The following PBX3 variants were observed in gnomAD, a reference collection of about 807,000 sequenced individuals.
PBX3 encodes pre-B-cell leukemia transcription factor 3.
Under a neutral mutation model 48.5 loss-of-function variants are expected in PBX3, and 14 were observed. The observed-to-expected ratio is 0.29, with a 90% CI of 0.19 to 0.45. PBX3 has a LOEUF of 0.45. Ranked by LOEUF, PBX3 falls within the 20% of genes least tolerant of loss-of-function variation. The pLI is 1.00. For missense variants in PBX3, 386 were observed against 546.7 expected, an observed-to-expected ratio of 0.71 and a Z score of 2.93; for synonymous variants, 210 against 200.3, an observed-to-expected ratio of 1.05 and a Z score of -0.41.
intron 2 of PBX3, among the ~76,000 whole-genome samples, chr9:125,814,391 G>C (rs927100667): frequency 7.2e-5 from 11 of 151,920 alleles, no homozygotes; most frequent in African/African-American, 2.7e-4. Context: ...GAATGAGACA[G>C]AATGGATCCA....
intron 2 of PBX3, among the ~76,000 whole-genome samples, chr9:125,895,378 T>C (rs1033515626): frequency 6.6e-6 from 1 of 152,110 alleles, no homozygotes; most frequent in African/African-American, 2.4e-5. Context: ...AGCACACAAT[T>C]GATATACAAA....
chr9:125,952,282 C>G (rs988111735), intron 5 of PBX3, among the ~76,000 whole-genome samples: 4 of 152,162 alleles, frequency 2.6e-5, no homozygotes, highest in African/African-American at 9.7e-5. Flanking sequence ...CTGCTTCTTT[C>G]CAAACAAGTG....
intron 2 of PBX3, among the ~76,000 whole-genome samples, chr9:125,776,862 C>T (rs533355389): frequency 9.9e-5 from 15 of 152,192 alleles, no homozygotes; most frequent in Admixed American, 4.6e-4. Context: ...ATTAATATTA[C>T]TTTCATCATG....
intron 2 of PBX3, among the ~76,000 whole-genome samples, chr9:125,841,281 T>C (rs1839283870): frequency 6.6e-6 from 1 of 152,208 alleles, no homozygotes; most frequent in Admixed American, 6.5e-5. Context: ...TACAGATAAT[T>C]AAATTTATTC....
chr9:125,925,212 T>C (rs777855980), intron 3 of PBX3, among the ~76,000 whole-genome samples: 2 of 152,190 alleles, frequency 1.3e-5, no homozygotes, highest in South Asian at 2.1e-4. Context: ...TTAAAATATA[T>C]CAAAGATTAC....
At chr9:125,814,914 A>C (rs1164795419) in intron 2 of PBX3, among the ~76,000 whole-genome samples, 1 of 152,208 alleles carries the variant, frequency 6.6e-6, no homozygotes, top group Admixed American at 6.5e-5. Flanking sequence ...GGTTGAAAAC[A>C]CTATTCCCAA....
At position 125,835,051 on chromosome 9, in the gene PBX3, A is replaced by AAAAAAAT. The variant is rs1564681272; in HGVS notation, c.275-80635_275-80634insAAAAAAT. Reference sequence around the variant, plus strand: ...AAAAAAAAAAAAAAAAAAAAAAAAAAGGGCAAAAGATATGAAAAGACAAGT... The same window carrying AAAAAAAT: ...AAAAAAAAAAAAAAAAAAAAAAAAAAAAAAAATGGGCAAAAGATATGAAAAGACAAGT... On this transcript the variant is annotated intron_variant, in intron 2 of 8. Coordinates refer to ENST00000373489, the MANE Select transcript of PBX3 (RefSeq NM_006195.6). Among the ~76,000 whole-genome samples the AAAAAAAT allele has an allele frequency of 1.9e-5, 2 of 108,060 alleles. 1 individual carries two copies. Among genetic ancestry groups the AAAAAAAT allele is most frequent in the African/African-American group, 7.6e-5 (2 of 26,366 alleles). 70.9% of individuals were successfully genotyped at this position (108,060 alleles called of 152,430 possible).
At chr9:125,932,438 C>T (rs1440544454) in intron 4 of PBX3, among the ~76,000 whole-genome samples, 3 of 152,150 alleles carry the variant, frequency 2.0e-5, no homozygotes, top group African/African-American at 2.4e-5. Flanking sequence ...TCATTGAAAG[C>T]AACAGCCAAG....
intron 2 of PBX3, among the ~76,000 whole-genome samples, chr9:125,764,975 C>CT (rs146761829): frequency 0.02 from 3,056 of 152,058 alleles, 170 homozygotes; most frequent in East Asian, 0.17. Flanking sequence ...GTCTAGCCAT[C>CT]TAAGAAATCC....
chr9:125,965,057 C>T (rs993461419), intron 8 of PBX3, among the ~76,000 whole-genome samples: 5 of 152,244 alleles, frequency 3.3e-5, no homozygotes, highest in African/African-American at 7.2e-5. Context: ...CTCCCTCTTC[C>T]TGACTGACAT....
chr9:125,881,454 C>A (rs871602), intron 2 of PBX3, among the ~76,000 whole-genome samples: 1 of 152,120 alleles, frequency 6.6e-6, no homozygotes, highest in East Asian at 1.9e-4. Context: ...TACTGAACTT[C>A]TGGCAGAATT....
chr9:125,917,375 C>T (rs1302563821), intron 3 of PBX3, among the ~76,000 whole-genome samples: 1 of 152,194 alleles, frequency 6.6e-6, no homozygotes, highest in African/African-American at 2.4e-5. Flanking sequence ...CCTACATTGA[C>T]ACATCATTAT....
At chr9:125,888,989 T>G (rs1840569408) in intron 2 of PBX3, among the ~76,000 whole-genome samples, 1 of 152,178 alleles carries the variant, frequency 6.6e-6, no homozygotes, top group Non-Finnish European at 1.5e-5. Flanking sequence ...AAATATGCTT[T>G]GGGAATTTAC....
Position 125,793,366 on chromosome 9 carries a change from A to AAAAATATAT in PBX3, c.274+44744_274+44745insAAATATATA, listed in dbSNP as rs59271982. On this transcript the variant is annotated intron_variant, in intron 2 of 8. Coordinates refer to ENST00000373489, the MANE Select transcript of PBX3 (RefSeq NM_006195.6). ...GACTCCATTTGGGGGGGAAAAAAAA[A>AAAAATATAT]ATATATATATATATATATATATATA... is the stretch of plus-strand genomic sequence containing the variant. Among the ~76,000 whole-genome samples, 156 of 101,936 alleles carry AAAAATATAT rather than the reference A, an allele frequency of 1.5e-3. 1 individual carries two copies. The highest frequency in any genetic ancestry group is 1.8e-3 in the Non-Finnish European group (100 of 54,678). 66.9% of individuals were successfully genotyped at this position (101,936 alleles called of 152,430 possible).
chr9:125,942,297 G>A (rs891995637), intron 5 of PBX3, among the ~76,000 whole-genome samples: 1 of 152,264 alleles, frequency 6.6e-6, no homozygotes, highest in East Asian at 1.9e-4. Context: ...CAGGGCCCAG[G>A]CTGCAGAGTG....
At chr9:125,818,758 G>C (rs1274036022) in intron 2 of PBX3, among the ~76,000 whole-genome samples, 1 of 152,104 alleles carries the variant, frequency 6.6e-6, no homozygotes, top group African/African-American at 2.4e-5. Flanking sequence ...TTCCCAAAGT[G>C]TTAGGATTAC....
At chr9:125,902,225 A>G (rs1840962869) in intron 2 of PBX3, among the ~76,000 whole-genome samples, 1 of 151,690 alleles carries the variant, frequency 6.6e-6, no homozygotes, top group South Asian at 2.1e-4. Flanking sequence ...CCTGGATTGC[A>G]TGCATATTTG....
Position 125,747,374 on chromosome 9 carries a change from T to G in PBX3, c.-80T>G. The G allele has an allele frequency of 2.6e-6, 1 of 388,114 alleles. No homozygotes were observed. The highest frequency in any genetic ancestry group is 3.0e-5 in the African/African-American group (1 of 33,698). The allele number at this position is 388,114 out of a possible 1,614,324, so 24.0% of individuals were successfully genotyped here. On this transcript the variant is annotated 5_prime_UTR_variant, in exon 1 of 9. Transcript: ENST00000373489. ...CCCCTCCCCCTCCCCCTCTTTCTTC[T>G]CCTCCCTCGTCGCCGCCGCCGCCGC...
At position 125,860,632 on chromosome 9, in the gene PBX3, T is replaced by C. The variant is rs541691995; in HGVS notation, c.275-55054T>C. 1.7e-4 allele frequency among the ~76,000 whole-genome samples: 26 copies of C among 152,252 alleles called. No individual in the cohort carries two copies. In the South Asian group the frequency reaches 5.4e-3, roughly 32 times the overall value. On this transcript the variant is annotated intron_variant, in intron 2 of 8. Coordinates refer to ENST00000373489, the MANE Select transcript of PBX3 (RefSeq NM_006195.6). ...TTGGCCAGGTGCGGTGGCTCATGCT[T>C]ATAATCCCAGCACTTTGAGAGGCTG... is the stretch of plus-strand genomic sequence containing the variant.
Sources: gnomAD v4.1 joint callset for allele counts (sites outside exome capture counted in the v4.1 genomes callset) on GRCh38, gnomAD v4.1.1 for gene constraint, MANE v1.5 for transcripts, NCBI Gene and HGNC (gene_info 2026-07-23, HGNC 2026-07-21) for gene names.